The following MECOM variants were observed in gnomAD, a reference collection of about 807,000 sequenced individuals.
MECOM encodes histone-lysine N-methyltransferase MECOM.
MECOM carries 13 observed loss-of-function variants against 116.3 expected under a neutral mutation model. The observed-to-expected ratio is 0.11, with a 90% confidence interval of 0.07 to 0.18. The LOEUF is 0.18. Among genes scored for constraint, MECOM ranks in the 10% least tolerant of loss-of-function variants. The pLI, the probability that MECOM is intolerant of heterozygous loss-of-function variation, is 1.00. For synonymous variants in MECOM, 528 were observed against 535.2 expected (o/e 0.99, Z 0.19); for missense variants, 1,299 against 1,509.0 (o/e 0.86, Z 2.31).
intron 2 of MECOM, among the ~76,000 whole-genome samples, chr3:169,309,856 G>A (rs1718416512): frequency 1.3e-5 from 2 of 152,326 alleles, no homozygotes; most frequent in South Asian, 4.1e-4. Context: ...TAAAGCGAGA[G>A]TGTGGGCTGG....
intron 2 of MECOM, among the ~76,000 whole-genome samples, chr3:169,276,290 G>T (rs1386039653): frequency 6.6e-6 from 1 of 152,054 alleles, no homozygotes; most frequent in Non-Finnish European, 1.5e-5. Context: ...AGTGGCTCAC[G>T]CCTGTAATCC....
In MECOM at chr3:169,155,717, A is replaced by G. The variant is rs544664907; in HGVS notation, c.376-11885T>C. ...TTGATGTCAAATTTATCGTCTTTCT[A>G]GGCCCATTTCCTGCTTGTTTCCTCT... On this transcript the variant is annotated intron_variant, in intron 2 of 16. Coordinates refer to ENST00000651503, the MANE Select transcript of MECOM (RefSeq NM_004991.4). Among the ~76,000 whole-genome samples, 19 of 152,284 alleles carry G rather than the reference A, an allele frequency of 1.2e-4. 1 individual carries two copies. The South Asian group carries it at 3.5e-3, about 28-fold the overall frequency.
chr3:169,282,955 T>A (rs1164813325), intron 2 of MECOM, among the ~76,000 whole-genome samples: 1 of 152,148 alleles, frequency 6.6e-6, no homozygotes, highest in Non-Finnish European at 1.5e-5. Flanking sequence ...GATCCCTTTT[T>A]TACGGTAATT....
chr3:169,270,315 T>A (rs1028044943), intron 2 of MECOM, among the ~76,000 whole-genome samples: 8 of 152,074 alleles, frequency 5.3e-5, no homozygotes, highest in African/African-American at 1.9e-4. Flanking sequence ...CCTAAATACG[T>A]GAAAAAATTG....
chr3:169,224,476 A>G (rs1310545396), intron 2 of MECOM, among the ~76,000 whole-genome samples: 1 of 152,178 alleles, frequency 6.6e-6, no homozygotes, highest in African/African-American at 2.4e-5. Context: ...CGCAGCCCCA[A>G]CACTTTCCCA....
intron 1 of MECOM, among the ~76,000 whole-genome samples, chr3:169,466,308 T>C (rs1303384381): frequency 6.6e-6 from 1 of 152,192 alleles, no homozygotes; most frequent in Non-Finnish European, 1.5e-5. Flanking sequence ...CCTTTGACCC[T>C]TAACTGGGGT....
chr3:169,481,694 C>T (rs919670795), intron 1 of MECOM, among the ~76,000 whole-genome samples: 17 of 151,640 alleles, frequency 1.1e-4, no homozygotes, highest in Non-Finnish European at 1.9e-4. Flanking sequence ...GTGTCCTCAA[C>T]ACACTTCACT....
chr3:169,500,332 A>G (rs1754377785), intron 1 of MECOM, among the ~76,000 whole-genome samples: 1 of 152,028 alleles, frequency 6.6e-6, no homozygotes. Context: ...CATAAGTCTG[A>G]TGGCTTTTTT....
At chr3:169,460,037 T>C (rs1747170401) in intron 1 of MECOM, among the ~76,000 whole-genome samples, 7 of 152,154 alleles carry the variant, frequency 4.6e-5, no homozygotes, top group Admixed American at 4.6e-4. Flanking sequence ...CTCAGGCAGA[T>C]AAACTGAGTC....
At chr3:169,633,382 C>T (rs193222018) in intron 1 of MECOM, among the ~76,000 whole-genome samples, 3 of 152,304 alleles carry the variant, frequency 2.0e-5, no homozygotes, top group Admixed American at 1.3e-4. Context: ...CCATTTATCT[C>T]ATACTTACAC....
In MECOM at chr3:169,483,085, T is replaced by C. The variant is rs551982666; in HGVS notation, c.38-101561A>G. Among the ~76,000 whole-genome samples the C allele has an allele frequency of 6.6e-5, 10 of 152,318 alleles. 2 individuals carry two copies. In the South Asian group the frequency reaches 2.1e-3, roughly 32 times the overall value. On this transcript the variant is annotated intron_variant, in intron 1 of 16. Transcript: ENST00000651503. ...TCAGTATCAGGTGATTATTAATTCA[T>C]GGTATACTCGACTAGCAGCCAAAAC...
chr3:169,276,598 C>G (rs1281708217), intron 2 of MECOM, among the ~76,000 whole-genome samples: 5 of 149,204 alleles, frequency 3.4e-5, no homozygotes, highest in Non-Finnish European at 7.4e-5. Flanking sequence ...ACATATGAAG[C>G]TAAAGCCCCT....
intron 2 of MECOM, among the ~76,000 whole-genome samples, chr3:169,303,661 C>A: frequency 6.6e-6 from 1 of 152,210 alleles, no homozygotes; most frequent in Non-Finnish European, 1.5e-5. Context: ...GTATCCAATC[C>A]TGATTTTGTC....
At chr3:169,283,860 T>C (rs886593167) in intron 2 of MECOM, among the ~76,000 whole-genome samples, 1 of 152,156 alleles carries the variant, frequency 6.6e-6, no homozygotes, top group Non-Finnish European at 1.5e-5. Flanking sequence ...CTACTGATAG[T>C]TGGTAATACT....
At chr3:169,488,835 A>T (rs892480672) in intron 1 of MECOM, among the ~76,000 whole-genome samples, 1 of 152,112 alleles carries the variant, frequency 6.6e-6, no homozygotes, top group Non-Finnish European at 1.5e-5. Context: ...GAAAATGTAT[A>T]GACTTAAATG....
chr3:169,643,312 A>G (rs538834997), intron 1 of MECOM, among the ~76,000 whole-genome samples: 4 of 152,338 alleles, frequency 2.6e-5, no homozygotes, highest in Middle Eastern at 3.4e-3. Context: ...TCACATAACT[A>G]TTAATGGAAA....
chr3:169,111,870 G>T (rs939023471), intron 9 of MECOM, among the ~76,000 whole-genome samples: 1 of 151,984 alleles, frequency 6.6e-6, no homozygotes, highest in African/African-American at 2.4e-5. Context: ...TTACCTCATA[G>T]CTTTCCATAA....
rs528965162 is a variant in MECOM at position 169,660,998 on chromosome 3, G to A, written c.37+2338C>T. On this transcript the variant is annotated intron_variant, in intron 1 of 16. Coordinates refer to ENST00000651503, the MANE Select transcript of MECOM (RefSeq NM_004991.4). ...CAGCGGCATCCTTAGAGACCCTGGGGACAAAATAAATGGGTCTCCCACCAG... is the reference window on the plus strand; with the variant it reads ...CAGCGGCATCCTTAGAGACCCTGGGAACAAAATAAATGGGTCTCCCACCAG... Among the ~76,000 whole-genome samples, 3 of 152,232 alleles carry A rather than the reference G, an allele frequency of 2.0e-5. No individual in the cohort carries two copies. In the South Asian group the frequency reaches 6.2e-4, roughly 32 times the overall value.
intron 1 of MECOM, among the ~76,000 whole-genome samples, chr3:169,491,912 A>G (rs964113060): frequency 3.2e-4 from 48 of 152,234 alleles, no homozygotes; most frequent in African/African-American, 1.2e-3. Context: ...AAGAAGTGAT[A>G]TAATTTCATC....
Sources: gnomAD v4.1 joint callset for allele counts (sites outside exome capture counted in the v4.1 genomes callset) on GRCh38, gnomAD v4.1.1 for gene constraint, MANE v1.5 for transcripts, NCBI Gene and HGNC (gene_info 2026-07-23, HGNC 2026-07-21) for gene names.